TRPC7: variants seen among roughly 807,000 people sequenced by gnomAD.
TRPC7 encodes transient receptor potential cation channel subfamily C member 7, also known as short transient receptor potential channel 7.
In TRPC7, 42 loss-of-function variants were observed where a neutral mutation model predicts 90.1. The ratio of observed to expected loss-of-function variants is 0.47; its 90% CI spans 0.36 to 0.60. TRPC7 has a LOEUF of 0.60. Among genes scored for constraint, TRPC7 ranks in the 20% least tolerant of loss-of-function variants. The probability of loss-of-function intolerance (pLI) is 0.00; values close to 1 mark genes in which losing one functional copy is unlikely to be tolerated. For synonymous variants in TRPC7, 451 were observed against 436.3 expected, an observed-to-expected ratio of 1.03 and a Z score of -0.42; for missense variants, 955 against 1,112.3, an observed-to-expected ratio of 0.86 and a Z score of 2.01.
chr5:136,251,806 T>A lies in TRPC7; in HGVS notation c.1422A>T (p.Leu474=), dbSNP rs1393994693. Residue 474 remains leucine (L), a synonymous_variant, in exon 6 of 12, where the codon CTA becomes CTT. Coordinates refer to ENST00000513104, the MANE Select transcript of TRPC7 (RefSeq NM_020389.3). The part of the protein sequence containing the change: ...REYVLHLWNL[L]DFGMLSIFVA... ...CGAAGATGGACAGCATCCCGAAATC[T>A]AGCAGGTTCCACAAGTGCAGCACGT... The A allele has an allele frequency of 1.5e-5, 25 of 1,613,898 alleles. No homozygotes were observed. The highest frequency in any genetic ancestry group is 2.0e-5 in the Non-Finnish European group (24 of 1,179,898).
intron 3 of TRPC7, chr5:136,303,619 T>G (rs1427174509): frequency 6.6e-6 from 1 of 152,032 alleles, no homozygotes; most frequent in Non-Finnish European, 1.5e-5. Flanking sequence ...AGCCAAGGAA[T>G]GCCCACAGCC....
intron 3 of TRPC7, among the ~76,000 whole-genome samples, chr5:136,306,914 C>T (rs559599642): frequency 6.6e-6 from 1 of 152,210 alleles, no homozygotes; most frequent in Non-Finnish European, 1.5e-5. Context: ...ATCCACCACC[C>T]TTCGCTGACT....
In TRPC7 at chr5:136,357,119, T is replaced by C; in HGVS notation, c.269A>G (p.His90Arg). The change falls in exon 2 of 12, where the codon CAC (histidine) becomes CGC (arginine). Residue 90 changes from histidine to arginine, a missense_variant. Physicochemically the swap from His to Arg is conservative, Grantham distance 29. Coordinates refer to ENST00000513104, the MANE Select transcript of TRPC7 (RefSeq NM_020389.3). ...NALQLAVGNE[H>R]LEVTELLLKK... ...CAGCAGCAGCTCCGTGACCTCTAGG[T>C]GCTCGTTGCCCACGGCCAGCTGCAG... 1 of 1,614,128 alleles carries C rather than the reference T, an allele frequency of 6.2e-7. No individual in the cohort carries two copies. Among genetic ancestry groups the C allele is most frequent in the Non-Finnish European group, 8.5e-7 (1 of 1,180,022 alleles).
At chr5:136,327,129 A>G (rs1186619325) in intron 2 of TRPC7, among the ~76,000 whole-genome samples, 8 of 152,192 alleles carry the variant, frequency 5.3e-5, no homozygotes. Context: ...CATAAAACTG[A>G]GCCAGCGTGT....
Position 136,251,865 on chromosome 5 carries a change from A to T in TRPC7, c.1363T>A (p.Cys455Ser). ...GGCCCCTCCTCCCAGATTTCCTTGC[A>T]TTCGGACCAAATCATTCCTGTGGGA... ...KWVLGMIWSECKEIWEEGPRE... is the reference protein window; with the variant it reads ...KWVLGMIWSESKEIWEEGPRE... The change falls in exon 6 of 12, where the codon TGC becomes AGC. Residue 455 changes from cysteine (C) to serine (S), a missense_variant. Cys to Ser is a moderately radical substitution (Grantham distance 112, BLOSUM62 -1). Around this residue, in one of 4 missense-constraint regions of TRPC7, gnomAD observed 484 missense variants for 509.6 expected, o/e 0.95. Transcript: ENST00000513104. 6.2e-7 allele frequency: 1 copy of T among 1,613,890 alleles called. No homozygotes were observed. The highest frequency in any genetic ancestry group is 8.5e-7 in the Non-Finnish European group (1 of 1,179,828).
intron 3 of TRPC7, among the ~76,000 whole-genome samples, chr5:136,275,767 C>T (rs977843621): frequency 7.2e-5 from 11 of 152,114 alleles, no homozygotes; most frequent in Non-Finnish European, 1.5e-4. Flanking sequence ...TTCTTTCCTG[C>T]GTGTTTAGGA....
At chr5:136,257,924 A>C (rs1240606977) in intron 5 of TRPC7, among the ~76,000 whole-genome samples, 3 of 152,150 alleles carry the variant, frequency 2.0e-5, no homozygotes, top group Admixed American at 6.5e-5. Context: ...CTTAAGAGTG[A>C]TTGGCTTTAA....
chr5:136,323,824 G>A (rs2346827), intron 2 of TRPC7, among the ~76,000 whole-genome samples: 104,474 of 151,924 alleles, frequency 0.69, 36,212 homozygotes, highest in African/African-American at 0.77. Context: ...TTCCCTTTAC[G>A]TATAAATTTA....
intron 1 of TRPC7, among the ~76,000 whole-genome samples, chr5:136,357,684 G>A (rs921743616): frequency 6.6e-5 from 10 of 152,134 alleles, no homozygotes; most frequent in African/African-American, 1.2e-4. Context: ...AGGCTGGGGC[G>A]TAGGGTGGTG....
At chr5:136,304,752 C>A (rs534434122) in intron 3 of TRPC7, among the ~76,000 whole-genome samples, 3 of 152,300 alleles carry the variant, frequency 2.0e-5, no homozygotes, top group Non-Finnish European at 4.4e-5. Context: ...CGGCATAATT[C>A]TCATAAAAAC....
Position 136,281,932 on chromosome 5 carries a change from C to A in TRPC7, c.964-7095G>T, listed in dbSNP as rs549838914. On this transcript the variant is annotated intron_variant, in intron 3 of 11. Transcript: ENST00000513104. ...AAATTTTTAATCAACCAAAGATGTG[C>A]TCACTTACGGAGTATTCATCCACTT... is the stretch of plus-strand genomic sequence containing the variant. Among the ~76,000 whole-genome samples the A allele has an allele frequency of 2.2e-4, 33 of 152,292 alleles. 1 individual carries two copies. The South Asian group carries it at 4.6e-3, about 21-fold the overall frequency.
intron 2 of TRPC7, among the ~76,000 whole-genome samples, chr5:136,355,202 C>T (rs1760324790): frequency 6.6e-6 from 1 of 152,170 alleles, no homozygotes; most frequent in Admixed American, 6.5e-5. Flanking sequence ...CCAGCTATAC[C>T]TTCTGCAGTG....
intron 5 of TRPC7, among the ~76,000 whole-genome samples, chr5:136,255,220 G>A (rs573148063): frequency 6.6e-6 from 1 of 152,346 alleles, no homozygotes; most frequent in Non-Finnish European, 1.5e-5. Flanking sequence ...AATTTTGAAA[G>A]AAGTTCTACT....
intron 2 of TRPC7, among the ~76,000 whole-genome samples, chr5:136,341,977 A>G (rs1489315089): frequency 1.3e-5 from 2 of 152,122 alleles, no homozygotes; most frequent in Non-Finnish European, 2.9e-5. Context: ...TTTTAATTCC[A>G]GCTCCCTCTT....
At chr5:136,345,654 GT>G (rs1185608701) in intron 2 of TRPC7, among the ~76,000 whole-genome samples, 2 of 152,152 alleles carry the variant, frequency 1.3e-5, no homozygotes, top group African/African-American at 2.4e-5. Flanking sequence ...TAGGCTGCCT[GT>G]TCACTCTGAT....
intron 2 of TRPC7, among the ~76,000 whole-genome samples, chr5:136,325,031 C>T (rs754247539): frequency 5.5e-4 from 83 of 150,894 alleles, no homozygotes; most frequent in Non-Finnish European, 8.0e-4. Flanking sequence ...AGCTGTAAAC[C>T]TGGGAGATAT....
chr5:136,297,416 G>C (rs542030606), intron 3 of TRPC7, among the ~76,000 whole-genome samples: 10 of 152,114 alleles, frequency 6.6e-5, no homozygotes, highest in African/African-American at 2.4e-4. Flanking sequence ...CATCTGATGG[G>C]TTTAGTAGGG....
chr5:136,235,310 A>G (rs901723528), intron 7 of TRPC7, among the ~76,000 whole-genome samples: 7 of 152,222 alleles, frequency 4.6e-5, no homozygotes, highest in African/African-American at 1.4e-4. Context: ...TATGGTGATT[A>G]GAGCTCTACA....
chr5:136,243,817 C>A (rs1357507787), intron 7 of TRPC7, among the ~76,000 whole-genome samples: 1 of 152,136 alleles, frequency 6.6e-6, no homozygotes, highest in Non-Finnish European at 1.5e-5. Context: ...TCAATCAAAT[C>A]CTATTCACAG....
Sources: allele counts gnomAD v4.1 joint callset (sites outside exome capture counted in the v4.1 genomes callset), GRCh38; gene constraint gnomAD v4.1.1; regional missense constraint gnomAD v4.1.1; transcripts MANE v1.5; gene names NCBI Gene and HGNC (gene_info 2026-07-23, HGNC 2026-07-21).